LYPD6: variants seen among roughly 807,000 people sequenced by gnomAD.
LYPD6 encodes LY6/PLAUR domain containing 6.
In LYPD6, 15 loss-of-function variants were observed where a neutral mutation model predicts 22.7. That is an observed-to-expected ratio of 0.66 (90% CI 0.44 to 1.02). LYPD6 has a LOEUF of 1.02. LYPD6 is among the 50% of genes least tolerant of loss of function. The pLI is 0.00. For missense variants in LYPD6, 189 were observed against 208.4 expected, an observed-to-expected ratio of 0.91 and a Z score of 0.57; for synonymous variants, 72 against 77.5, an observed-to-expected ratio of 0.93 and a Z score of 0.37.
chr2:149,453,258 T>C (rs1680876187), intron 3 of LYPD6, among the ~76,000 whole-genome samples: 2 of 152,238 alleles, frequency 1.3e-5, no homozygotes, highest in African/African-American at 4.8e-5. Context: ...TGTCGTGTGC[T>C]TGGATCTACG....
At chr2:149,438,998 G>A (rs1683496601) in intron 2 of LYPD6, among the ~76,000 whole-genome samples, 1 of 152,162 alleles carries the variant, frequency 6.6e-6, no homozygotes. Flanking sequence ...TGTTAATTTT[G>A]TCTTTTCTAA....
At chr2:149,433,711 G>A (rs960480272) in intron 1 of LYPD6, among the ~76,000 whole-genome samples, 1 of 152,162 alleles carries the variant, frequency 6.6e-6, no homozygotes. Context: ...ATGAAGACAT[G>A]TAAGACTATT....
intron 3 of LYPD6, among the ~76,000 whole-genome samples, chr2:149,460,217 C>T (rs2105173921): frequency 6.6e-6 from 1 of 152,106 alleles, no homozygotes; most frequent in East Asian, 1.9e-4. Flanking sequence ...CATAAATATA[C>T]AAAATAAATG....
At chr2:149,366,491 C>T (rs751538890) in intron 1 of LYPD6, among the ~76,000 whole-genome samples, 44 of 152,034 alleles carry the variant, frequency 2.9e-4, no homozygotes, top group Non-Finnish European at 8.8e-5. Flanking sequence ...TACAAGAGAA[C>T]CAGAGCTAGG....
At chr2:149,370,400 C>T (rs967117719) in intron 1 of LYPD6, 1 of 151,958 alleles carries the variant, frequency 6.6e-6, no homozygotes, top group African/African-American at 2.4e-5. Flanking sequence ...GAGGTGGAGC[C>T]TTTAGGAGGT....
chr2:149,417,044 G>T (rs188093099), intron 1 of LYPD6, among the ~76,000 whole-genome samples: 24 of 152,142 alleles, frequency 1.6e-4, no homozygotes, highest in Non-Finnish European at 1.5e-5. Context: ...GCTGGCTGGG[G>T]CTCTGCTGGG....
intron 1 of LYPD6, among the ~76,000 whole-genome samples, chr2:149,339,102 G>A (rs1002054925): frequency 2.0e-5 from 3 of 152,142 alleles, no homozygotes; most frequent in African/African-American, 7.2e-5. Flanking sequence ...AAAGACTCAA[G>A]GGATAGGAGC....
intron 1 of LYPD6, among the ~76,000 whole-genome samples, chr2:149,364,837 T>A (rs1284250736): frequency 6.6e-6 from 1 of 152,162 alleles, no homozygotes; most frequent in Non-Finnish European, 1.5e-5. Context: ...CACGGCAACT[T>A]TGTCATTGTT....
At chr2:149,457,793 A>G (rs1390278537) in intron 3 of LYPD6, among the ~76,000 whole-genome samples, 2 of 152,208 alleles carry the variant, frequency 1.3e-5, no homozygotes, top group Non-Finnish European at 2.9e-5. Flanking sequence ...TTTATTAAAA[A>G]GCAAACCAAA....
chr2:149,334,013 A>G (rs1367577003), intron 1 of LYPD6, among the ~76,000 whole-genome samples: 1 of 152,228 alleles, frequency 6.6e-6, no homozygotes, highest in African/African-American at 2.4e-5. Flanking sequence ...AGTGGGAAGC[A>G]TACGAATTAC....
chr2:149,367,797 G>A (rs892406607), intron 1 of LYPD6: 2 of 152,136 alleles, frequency 1.3e-5, no homozygotes, highest in Non-Finnish European at 2.9e-5. Context: ...AGAGGCTTCC[G>A]AGCTCCAGCA....
chr2:149,355,140 G>A (rs1681427990), intron 1 of LYPD6, among the ~76,000 whole-genome samples: 2 of 152,194 alleles, frequency 1.3e-5, no homozygotes, highest in Non-Finnish European at 1.5e-5. Context: ...TTAGTCTGGA[G>A]TGTTTTTAAT....
chr2:149,483,373 T>C, the LYPD6 span, among the ~76,000 whole-genome samples: 3 of 152,222 alleles, frequency 2.0e-5, no homozygotes, highest in African/African-American at 7.2e-5. Flanking sequence ...TAATCTATGT[T>C]GATTGCGTAT....
At chr2:149,444,066 T>G (rs1683627113) in intron 2 of LYPD6, among the ~76,000 whole-genome samples, 1 of 151,804 alleles carries the variant, frequency 6.6e-6, no homozygotes, top group South Asian at 2.1e-4. Context: ...CCTGAGTAGC[T>G]GGGACCACAG....
chr2:149,445,639 C>T (rs1683670963), intron 2 of LYPD6, among the ~76,000 whole-genome samples: 1 of 152,188 alleles, frequency 6.6e-6, no homozygotes, highest in African/African-American at 2.4e-5. Flanking sequence ...CTGCTAGCTG[C>T]AGACTTTTCT....
At chr2:149,446,830 A>G (rs982390829) in intron 2 of LYPD6, among the ~76,000 whole-genome samples, 3 of 152,236 alleles carry the variant, frequency 2.0e-5, no homozygotes, top group African/African-American at 7.2e-5. Flanking sequence ...GCAAGCATGT[A>G]CATGGATGGG....
At chr2:149,407,353 A>G (rs990672135) in intron 1 of LYPD6, among the ~76,000 whole-genome samples, 7 of 152,276 alleles carry the variant, frequency 4.6e-5, no homozygotes, top group Non-Finnish European at 8.8e-5. Flanking sequence ...CATCCTCCCC[A>G]TCACTTTCAG....
intron 1 of LYPD6, among the ~76,000 whole-genome samples, chr2:149,377,032 C>T (rs1453603014): frequency 1.3e-5 from 2 of 152,146 alleles, no homozygotes; most frequent in Non-Finnish European, 2.9e-5. Flanking sequence ...TATGGTTATA[C>T]ATATATGAGC....
chr2:149,375,913 A>G (rs1681911112), intron 1 of LYPD6, among the ~76,000 whole-genome samples: 1 of 152,238 alleles, frequency 6.6e-6, no homozygotes, highest in Admixed American at 6.5e-5. Context: ...AGAATTGCGA[A>G]TCTGATTCCA....
Sources: gnomAD v4.1 joint callset for allele counts (sites outside exome capture counted in the v4.1 genomes callset) on GRCh38, gnomAD v4.1.1 for gene constraint, MANE v1.5 for transcripts, NCBI Gene and HGNC (gene_info 2026-07-23, HGNC 2026-07-21) for gene names.